SEL1L2: variants seen among roughly 807,000 people sequenced by gnomAD.
The protein encoded by SEL1L2 is protein sel-1 homolog 2.
A neutral mutation model predicts 98.8 loss-of-function variants in SEL1L2; 89 were observed. That is an observed-to-expected ratio of 0.90 (90% CI 0.76 to 1.07). The LOEUF (loss-of-function observed/expected upper bound fraction) is 1.07, where lower values mean the gene tolerates loss of function less well. Ranked by LOEUF, SEL1L2 falls within the 50% of genes least tolerant of loss-of-function variation. The probability of loss-of-function intolerance (pLI) is 0.00; values close to 1 mark genes in which losing one functional copy is unlikely to be tolerated. For synonymous variants in SEL1L2, 262 were observed against 278.5 expected, an observed-to-expected ratio of 0.94 and a Z score of 0.59; for missense variants, 788 against 812.0, an observed-to-expected ratio of 0.97 and a Z score of 0.36.
chr20:13,866,630 T>G, intron 15 of SEL1L2, 72 bp downstream of exon 15: 2 of 1,232,640 alleles, frequency 1.6e-6, no homozygotes, highest in Non-Finnish European at 1.1e-6. Flanking sequence ...ACACCAACAA[T>G]TTAAGAACAG....
At chr20:13,954,767 C>T (rs1291555476) in intron 2 of SEL1L2, among the ~76,000 whole-genome samples, 1 of 152,054 alleles carries the variant, frequency 6.6e-6, no homozygotes, top group South Asian at 2.1e-4. Flanking sequence ...AGGTGTTATT[C>T]AGCAGGCACT....
chr20:13,874,612 C>T (rs1471560697), intron 12 of SEL1L2, among the ~76,000 whole-genome samples: 1 of 152,182 alleles, frequency 6.6e-6, no homozygotes, highest in Non-Finnish European at 1.5e-5. Flanking sequence ...TCAGTCTGCT[C>T]TTCCTTGTCA....
At chr20:13,913,009 T>C (rs1295298545) in intron 5 of SEL1L2, among the ~76,000 whole-genome samples, 2 of 152,200 alleles carry the variant, frequency 1.3e-5, no homozygotes, top group Non-Finnish European at 2.9e-5. Flanking sequence ...AAGTAGCTTA[T>C]TCAAAAAACA....
intron 1 of SEL1L2, among the ~76,000 whole-genome samples, chr20:13,989,974 C>A (rs780583470): frequency 1.2e-4 from 18 of 151,814 alleles, no homozygotes; most frequent in Non-Finnish European, 2.5e-4. Context: ...AAAAAAATGG[C>A]CAAAGAAACA....
chr20:13,919,920 G>A (rs7272313), intron 3 of SEL1L2, among the ~76,000 whole-genome samples: 64,144 of 139,050 alleles, frequency 0.46, 14,697 homozygotes, highest in African/African-American at 0.52. Context: ...GCGAGACTCC[G>A]TCTCAAAAAA....
intron 8 of SEL1L2, among the ~76,000 whole-genome samples, chr20:13,887,109 C>G (rs1304424294): frequency 6.6e-6 from 1 of 151,900 alleles, no homozygotes; most frequent in African/African-American, 2.4e-5. Context: ...TAATTACTTC[C>G]TATGGATAGT....
In SEL1L2 at chr20:13,910,126, A is replaced by G. The variant is rs530697985; in HGVS notation, c.549+3656T>C. 2.6e-5 allele frequency among the ~76,000 whole-genome samples: 4 copies of G among 152,324 alleles called. No individual in the cohort carries two copies. The East Asian group carries it at 7.7e-4, about 29-fold the overall frequency. ...TTCTCCTTGAGACCAAAACACACGTATCTAAGTAAATATCCCCATTTTACA... is the reference window on the plus strand; with the variant it reads ...TTCTCCTTGAGACCAAAACACACGTGTCTAAGTAAATATCCCCATTTTACA... On this transcript the variant is annotated intron_variant, in intron 5 of 19. Transcript: ENST00000284951.
chr20:13,850,458 A>C (rs1988062399), intron 18 of SEL1L2, 139 bp from the exon 19 acceptor site: 2 of 894,034 alleles, frequency 2.2e-6, no homozygotes, highest in African/African-American at 3.3e-5. Flanking sequence ...AGTGGACCTC[A>C]GATAATCAAA....
At chr20:13,951,236 C>A (rs1364839540) in intron 2 of SEL1L2, among the ~76,000 whole-genome samples, 16 of 124,416 alleles carry the variant, frequency 1.3e-4, no homozygotes, top group African/African-American at 5.0e-4. Flanking sequence ...GAGATAGCGC[C>A]ACTGCACTCC....
chr20:13,991,441 T>G (rs2052529957), upstream of SEL1L2, among the ~76,000 whole-genome samples: 1 of 152,346 alleles, frequency 6.6e-6, no homozygotes, highest in Non-Finnish European at 1.5e-5. Context: ...TCCAAAACCA[T>G]TCTTACAGGG....
chr20:13,959,273 C>G (rs2050679018), intron 1 of SEL1L2, among the ~76,000 whole-genome samples: 1 of 152,140 alleles, frequency 6.6e-6, no homozygotes, highest in Non-Finnish European at 1.5e-5. Flanking sequence ...CCAGTGATGA[C>G]CAGCTCAGTG....
At chr20:13,904,214 C>T (rs998635159) in intron 5 of SEL1L2, among the ~76,000 whole-genome samples, 1 of 152,106 alleles carries the variant, frequency 6.6e-6, no homozygotes, top group Non-Finnish European at 1.5e-5. Context: ...TTATTTAATA[C>T]ATACACCAAA....
chr20:13,859,493 A>C, intron 17 of SEL1L2, 59 bp from the exon 18 acceptor site: 1 of 1,444,788 alleles, frequency 6.9e-7, no homozygotes, highest in Non-Finnish European at 9.5e-7. Flanking sequence ...TATAGTTCTC[A>C]GGAATTCAAC....
At position 13,973,607 on chromosome 20, in the gene SEL1L2, G is replaced by A. The variant is rs530746928; in HGVS notation, c.58+16870C>T. On this transcript the variant is annotated intron_variant, in intron 1 of 19. Coordinates refer to ENST00000284951, the MANE Select transcript of SEL1L2 (RefSeq NM_025229.2). ...CTAGCCATTTGCAGTAGCATCCTATGTCTCTGGCACAAATGCCGACCACAA... is the reference window on the plus strand; with the variant it reads ...CTAGCCATTTGCAGTAGCATCCTATATCTCTGGCACAAATGCCGACCACAA... Among the ~76,000 whole-genome samples, 4 of 152,326 alleles carry A rather than the reference G, an allele frequency of 2.6e-5. No individual in the cohort carries two copies. The East Asian group carries it at 7.7e-4, about 29-fold the overall frequency.
At chr20:13,994,961 C>A (rs2052606916), upstream of SEL1L2, 1 of 152,228 alleles carries the variant, frequency 6.6e-6, no homozygotes, top group South Asian at 2.1e-4. Context: ...GAACCATTTG[C>A]CAATACTTTC....
chr20:13,859,184 G>A (rs1989661706), intron 18 of SEL1L2, 78 bp downstream of exon 18: 5 of 1,374,790 alleles, frequency 3.6e-6, no homozygotes, highest in Non-Finnish European at 5.1e-6. Flanking sequence ...TGACATCAAT[G>A]AAATTCAAAA....
chr20:13,908,114 T>C (rs1299471344), intron 5 of SEL1L2, among the ~76,000 whole-genome samples: 3 of 109,182 alleles, frequency 2.7e-5, no homozygotes, highest in Non-Finnish European at 3.7e-5. Flanking sequence ...TTTTTTTTTT[T>C]TTTTTTTTTT....
intron 2 of SEL1L2, among the ~76,000 whole-genome samples, chr20:13,937,359 G>A (rs2049505771): frequency 6.6e-6 from 1 of 152,196 alleles, no homozygotes; most frequent in African/African-American, 2.4e-5. Flanking sequence ...ACTGGAGCCC[G>A]ACATGCGCAC....
Position 13,906,064 on chromosome 20 carries a change from C to T in SEL1L2, c.549+7718G>A, listed in dbSNP as rs565097595. On this transcript the variant is annotated intron_variant, in intron 5 of 19. Transcript: ENST00000284951. ...TAATTTTTTGTATTTTTAGTTGAGACGGGGTTTCACTATGTTGGCCAGGCT... is the reference window on the plus strand; with the variant it reads ...TAATTTTTTGTATTTTTAGTTGAGATGGGGTTTCACTATGTTGGCCAGGCT... 1.4e-4 allele frequency among the ~76,000 whole-genome samples: 22 copies of T among 151,830 alleles called. 1 individual carries two copies. Among genetic ancestry groups the T allele is most frequent in the Admixed American group, 1.2e-3 (18 of 15,254 alleles).
Sources: allele counts gnomAD v4.1 joint callset (sites outside exome capture counted in the v4.1 genomes callset), GRCh38; gene constraint gnomAD v4.1.1; transcripts MANE v1.5; gene names NCBI Gene and HGNC (gene_info 2026-07-23, HGNC 2026-07-21).